The following PPP4R2 variants were observed in gnomAD, a reference collection of about 807,000 sequenced individuals.
PPP4R2 encodes protein phosphatase 4 regulatory subunit 2, also known as serine/threonine-protein phosphatase 4 regulatory subunit 2.
A neutral mutation model predicts 47.2 loss-of-function variants in PPP4R2; 13 were observed. The observed-to-expected ratio is 0.28, with a 90% CI of 0.18 to 0.44. PPP4R2 has a LOEUF of 0.44. Among genes scored for constraint, PPP4R2 ranks in the 20% least tolerant of loss-of-function variants. The pLI is 1.00. For synonymous variants in PPP4R2, 151 were observed against 163.3 expected, an observed-to-expected ratio of 0.92 and a Z score of 0.57; for missense variants, 421 against 491.2, an observed-to-expected ratio of 0.86 and a Z score of 1.35.
Position 72,996,914 on chromosome 3 carries a change from C to T in PPP4R2, c.-124C>T, listed in dbSNP as rs1000251805. ...CCCGGCTCCCTTCGTTTCCCCCCCC[C>T]GGTCGCCTGCGTGCCGGAGTGTGTG... On this transcript the variant is annotated 5_prime_UTR_variant, in exon 1 of 9. Transcript: ENST00000356692. 3 of 602,508 alleles carry T rather than the reference C, an allele frequency of 5.0e-6. No homozygotes were observed. The highest frequency in any genetic ancestry group is 3.8e-5 in the African/African-American group (2 of 51,980). The allele number at this position is 602,508 out of a possible 1,614,324, so 37.3% of individuals were successfully genotyped here. A position where few individuals can be genotyped will look rare whatever the true frequency, so the allele number is the denominator to read the frequency against.
rs372056476 is a variant in PPP4R2, at chr3:73,062,495, G to A, written c.420-1178G>A. The A allele has an allele frequency of 1.2e-5, 19 of 1,613,520 alleles. No individual in the cohort carries two copies. The African/African-American group carries it at 2.1e-4, about 18-fold the overall frequency. On this transcript the variant is annotated intron_variant, in intron 5 of 8. Transcript: ENST00000356692. Reference sequence around the variant, plus strand: ...GTTTCATATTTGATGGGTTACACCAGGCATTACTGAGTGTTGGTGTGAGCA... The same window carrying A: ...GTTTCATATTTGATGGGTTACACCAAGCATTACTGAGTGTTGGTGTGAGCA...
At chr3:73,063,446 A>C (rs1397751689) in intron 5 of PPP4R2, 1 of 399,172 alleles carries the variant, frequency 2.5e-6, no homozygotes, top group African/African-American at 2.1e-5. Flanking sequence ...CAACATGGCA[A>C]AACCCCGTCT....
chr3:73,023,732 C>T (rs1228011615), intron 2 of PPP4R2, among the ~76,000 whole-genome samples: 1 of 151,956 alleles, frequency 6.6e-6, no homozygotes, highest in East Asian at 1.9e-4. Context: ...TATGTGCATT[C>T]AGTAAAATAA....
chr3:73,015,684 C>T (rs1267599735), intron 2 of PPP4R2: 6 of 242,158 alleles, frequency 2.5e-5, no homozygotes, highest in Non-Finnish European at 5.1e-5. Flanking sequence ...GTCGCCCAGA[C>T]TGGAGTGCAG....
intron 2 of PPP4R2, among the ~76,000 whole-genome samples, chr3:73,044,007 C>T (rs1379245697): frequency 6.6e-6 from 1 of 152,312 alleles, no homozygotes; most frequent in East Asian, 1.9e-4. Flanking sequence ...CTTTTTGTGT[C>T]TGGCTTATTT....
chr3:73,059,419 T>C (rs1018274050), intron 4 of PPP4R2, among the ~76,000 whole-genome samples: 1 of 152,224 alleles, frequency 6.6e-6, no homozygotes, highest in African/African-American at 2.4e-5. Context: ...TGTGAAGTTA[T>C]AATTGCTATT....
rs531801296 is a variant in PPP4R2 at position 72,999,315 on chromosome 3, T to C, written c.116+1157T>C. Among the ~76,000 whole-genome samples the C allele has an allele frequency of 3.3e-5, 5 of 152,344 alleles. No individual in the cohort carries two copies. In the South Asian group the frequency reaches 1.0e-3, roughly 32 times the overall value. On this transcript the variant is annotated intron_variant, in intron 2 of 8. Transcript: ENST00000356692. ...TATAGAACATCTTGATTTAGAACAA[T>C]GTAAAACTGTTAATTTGTGCTTATA...
chr3:73,030,010 G>A (rs911379110), intron 2 of PPP4R2, among the ~76,000 whole-genome samples: 1 of 152,122 alleles, frequency 6.6e-6, no homozygotes, highest in African/African-American at 2.4e-5. Flanking sequence ...GAGAGATAAT[G>A]GGAGGGAGAC....
chr3:73,017,941 T>G (rs769963214), intron 2 of PPP4R2, among the ~76,000 whole-genome samples: 3 of 152,124 alleles, frequency 2.0e-5, no homozygotes, highest in Non-Finnish European at 4.4e-5. Context: ...TTGGCCAGGC[T>G]CATACCAGCA....
intron 5 of PPP4R2, chr3:73,061,697 A>T (rs1278465917): frequency 5.2e-6 from 1 of 192,224 alleles, no homozygotes; most frequent in Admixed American, 5.6e-5. Flanking sequence ...GCTGAGAACC[A>T]TTGGTTTAAG....
chr3:73,001,312 C>G (rs1026004549), intron 2 of PPP4R2, among the ~76,000 whole-genome samples: 7 of 151,920 alleles, frequency 4.6e-5, no homozygotes, highest in Non-Finnish European at 2.9e-5. Context: ...AATCCCAGAA[C>G]TTTGAGAGGC....
At chr3:73,008,901 A>G (rs1011994674) in intron 2 of PPP4R2, among the ~76,000 whole-genome samples, 2 of 152,210 alleles carry the variant, frequency 1.3e-5, no homozygotes, top group African/African-American at 2.4e-5. Context: ...TAGTTACTAT[A>G]TGACCAAGGC....
At chr3:73,063,483 G>T in intron 5 of PPP4R2, 190 bp from the exon 6 acceptor site, 2 of 510,654 alleles carry the variant, frequency 3.9e-6, no homozygotes, top group Non-Finnish European at 7.1e-6. Flanking sequence ...AAATAGCTGC[G>T]CATGGCATCA....
chr3:73,051,984 TCCTGA>T (rs1702623234), intron 3 of PPP4R2, among the ~76,000 whole-genome samples: 3 of 152,158 alleles, frequency 2.0e-5, no homozygotes, highest in Non-Finnish European at 4.4e-5. Flanking sequence ...TTACTTGATT[TCCTGA>T]ACTATAAGCT....
In PPP4R2 at chr3:73,056,875, C is replaced by T. The variant is rs1370951331; in HGVS notation, c.288-2162C>T. Among the ~76,000 whole-genome samples, 8 of 152,098 alleles carry T rather than the reference C, an allele frequency of 5.3e-5. 1 individual carries two copies. The South Asian group carries it at 1.7e-3, about 32-fold the overall frequency. On this transcript the variant is annotated intron_variant, in intron 3 of 8. Transcript: ENST00000356692. ...AAACTAATTTTAATTAGTGAGAAAA[C>T]ATTAGGTTTTAATGTGGGAAAGAAT...
chr3:73,027,986 G>A (rs1313164770), intron 2 of PPP4R2: 3 of 147,228 alleles, frequency 2.0e-5, no homozygotes, highest in African/African-American at 7.6e-5. Flanking sequence ...CTGGGCACTA[G>A]TGAGTCACGC....
intron 2 of PPP4R2, among the ~76,000 whole-genome samples, chr3:73,007,139 A>G (rs1701625529): frequency 6.6e-6 from 1 of 152,228 alleles, no homozygotes; most frequent in Non-Finnish European, 1.5e-5. Context: ...CATTTATAAA[A>G]TGAGATAATA....
chr3:73,038,048 C>T (rs946111465), intron 2 of PPP4R2, among the ~76,000 whole-genome samples: 5 of 152,118 alleles, frequency 3.3e-5, no homozygotes, highest in African/African-American at 9.7e-5. Flanking sequence ...CCTACCAACC[C>T]GGTCCTGTCT....
intron 2 of PPP4R2, chr3:73,015,686 G>A: frequency 4.1e-6 from 1 of 245,200 alleles, no homozygotes; most frequent in Non-Finnish European, 8.4e-6. Flanking sequence ...CGCCCAGACT[G>A]GAGTGCAGTG....
Sources: allele counts gnomAD v4.1 joint callset (sites outside exome capture counted in the v4.1 genomes callset), GRCh38; gene constraint gnomAD v4.1.1; transcripts MANE v1.5; gene names NCBI Gene and HGNC (gene_info 2026-07-23, HGNC 2026-07-21).